TRAP1: variants seen among roughly 807,000 people sequenced by gnomAD.
TRAP1 encodes heat shock protein 75 kDa, mitochondrial.
In TRAP1, 102 loss-of-function variants were observed where a neutral mutation model predicts 89.1. That is an observed-to-expected ratio of 1.15 (90% CI 0.98 to 1.35). The LOEUF is 1.35. Among genes scored for constraint, TRAP1 ranks in the 40% most tolerant of loss-of-function variants. TRAP1 has a pLI of 0.00. For synonymous variants in TRAP1, 508 were observed against 388.0 expected (o/e 1.31, Z -3.64); for missense variants, 1,256 against 945.3 (o/e 1.33, Z -4.31).
rs181533361 is a variant in TRAP1 at position 3,691,962 on chromosome 16, G to A, written c.89-977C>T. On this transcript the variant is annotated intron_variant, in intron 1 of 17. Transcript: ENST00000246957. ...TGTCCCCAGCCGCACGCAGTTCACCGACGCAGGCCCAGAAACCAGACACTT... is the reference window on the plus strand; with the variant it reads ...TGTCCCCAGCCGCACGCAGTTCACCAACGCAGGCCCAGAAACCAGACACTT... Among the ~76,000 whole-genome samples the A allele has an allele frequency of 4.7e-4, 72 of 152,180 alleles. 2 individuals are homozygous for A. In the South Asian group the frequency reaches 0.012, roughly 25 times the overall value.
At position 3,664,335 on chromosome 16, in the gene TRAP1, G is replaced by GGGGCGC. The variant is rs757449714; in HGVS notation, c.1502_1507dup (p.Ala502_Pro503insArgAla). The GGGGCGC allele has an allele frequency of 6.2e-6, 10 of 1,612,778 alleles. No homozygotes were observed. The South Asian group carries it at 1.1e-4, about 18-fold the overall frequency. ...TGAGTGCTCTGCCAGGTGACGGTTGGGGGCGCACAGGTAGTAGATGTTGCG... is the reference window on the plus strand; with the variant it reads ...TGAGTGCTCTGCCAGGTGACGGTTGGGGGCGCGGGCGCACAGGTAGTAGATGTTGCG... On this transcript the variant is annotated inframe_insertion, in exon 13 of 18. Transcript: ENST00000246957.
chr16:3,717,140 A>G (rs1257553293), intron 1 of TRAP1, among the ~76,000 whole-genome samples: 2 of 152,018 alleles, frequency 1.3e-5, no homozygotes. Context: ...AGGAGGGACG[A>G]CCCCGCAGCC....
In TRAP1 at chr16:3,670,382, C is replaced by CAAAAAAAAAAAAAAAAAAAAAAA. The variant is rs760902038; in HGVS notation, c.1235+1317_1235+1339dup. On this transcript the variant is annotated intron_variant, in intron 11 of 17. Coordinates refer to ENST00000246957, the MANE Select transcript of TRAP1 (RefSeq NM_016292.3). ...TGGGCGACAGAGCAAGACTCCGTCTCAAAAAAAAAAAAAAAAAAAAAAAAA... is the reference window on the plus strand; with the variant it reads ...TGGGCGACAGAGCAAGACTCCGTCTCAAAAAAAAAAAAAAAAAAAAAAAAAAAAAAAAAAAAAAAAAAAAAAAA... Among the ~76,000 whole-genome samples the CAAAAAAAAAAAAAAAAAAAAAAA allele has an allele frequency of 3.1e-4, 7 of 22,844 alleles. 2 individuals carry two copies. Among genetic ancestry groups the CAAAAAAAAAAAAAAAAAAAAAAA allele is most frequent in the African/African-American group, 4.9e-4 (4 of 8,130 alleles). The allele number at this position is 22,844 out of a possible 152,430, so 15.0% of individuals were successfully genotyped here. A position where few individuals can be genotyped will look rare whatever the true frequency, so the allele number is the denominator to read the frequency against.
intron 4 of TRAP1, among the ~76,000 whole-genome samples, chr16:3,681,133 A>G (rs2051068544): frequency 6.6e-6 from 1 of 152,134 alleles, no homozygotes; most frequent in Non-Finnish European, 1.5e-5. Context: ...TTGCTCTGCT[A>G]TGATGTGCAG....
At position 3,709,606 on chromosome 16, in the gene TRAP1, G is replaced by A. The variant is rs117897135; in HGVS notation, c.88+7815C>T. 5.8e-3 allele frequency among the ~76,000 whole-genome samples: 889 copies of A among 152,224 alleles called. 1 individual carries two copies. The highest frequency in any genetic ancestry group is 0.01 in the Middle Eastern group (3 of 292). On this transcript the variant is annotated intron_variant, in intron 1 of 17. Transcript: ENST00000246957. ...ATATAAGTGGAAAATGCAAGGTACGGAAGATTACACACGGTTCCTTCCCAG... is the reference window on the plus strand; with the variant it reads ...ATATAAGTGGAAAATGCAAGGTACGAAAGATTACACACGGTTCCTTCCCAG...
chr16:3,685,290 G>A lies in TRAP1; in HGVS notation c.471+706C>T, dbSNP rs146253997. On this transcript the variant is annotated intron_variant, in intron 4 of 17. Transcript: ENST00000246957. Reference sequence around the variant, plus strand: ...CAGTCTGGATTCTCTAAACCCAAGAGGGAGTGCGTAAAGCTGACACCTCAC... The same window carrying A: ...CAGTCTGGATTCTCTAAACCCAAGAAGGAGTGCGTAAAGCTGACACCTCAC... 1.8e-4 allele frequency among the ~76,000 whole-genome samples: 27 copies of A among 152,300 alleles called. No homozygotes were observed. In the East Asian group the frequency reaches 4.4e-3, roughly 25 times the overall value.
intron 1 of TRAP1, among the ~76,000 whole-genome samples, chr16:3,715,673 C>G (rs958080998): frequency 1.3e-5 from 2 of 152,050 alleles, no homozygotes; most frequent in Non-Finnish European, 2.9e-5. Flanking sequence ...GTTGGCCAGG[C>G]ACGGTGACAC....
intron 15 of TRAP1, chr16:3,662,485 G>C: frequency 1.9e-6 from 1 of 520,826 alleles, no homozygotes; most frequent in Non-Finnish European, 3.5e-6. Context: ...AGCTAGACAG[G>C]TTGGTGGGGG....
chr16:3,700,104 C>G (rs980245961), intron 1 of TRAP1, among the ~76,000 whole-genome samples: 1 of 152,166 alleles, frequency 6.6e-6, no homozygotes, highest in Non-Finnish European at 1.5e-5. Flanking sequence ...CAGTAACACT[C>G]TTTGAAGACA....
At chr16:3,663,898 A>G (rs1360219885) in intron 13 of TRAP1, 6 of 359,502 alleles carry the variant, frequency 1.7e-5, no homozygotes, top group Non-Finnish European at 2.6e-5. Flanking sequence ...TGCCGTCTCT[A>G]TTAAAAATAC....
chr16:3,688,501 G>A (rs567962754), intron 3 of TRAP1, among the ~76,000 whole-genome samples: 1 of 151,780 alleles, frequency 6.6e-6, no homozygotes, highest in Non-Finnish European at 1.5e-5. Flanking sequence ...TTTTTTTTTG[G>A]AGAGAGGGTC....
chr16:3,706,301 G>A (rs951375321), intron 1 of TRAP1, among the ~76,000 whole-genome samples: 5 of 151,818 alleles, frequency 3.3e-5, no homozygotes, highest in Non-Finnish European at 7.4e-5. Context: ...TGGGGTGGGG[G>A]TCTCACTATG....
intron 5 of TRAP1, chr16:3,678,013 G>T (rs1270069134): frequency 8.9e-6 from 2 of 225,262 alleles, no homozygotes; most frequent in Non-Finnish European, 1.8e-5. Flanking sequence ...GGAAGGCCAG[G>T]AGTGAGGAGA....
intron 11 of TRAP1, among the ~76,000 whole-genome samples, chr16:3,669,574 C>T (rs553284480): frequency 6.6e-6 from 1 of 152,160 alleles, no homozygotes; most frequent in South Asian, 2.1e-4. Context: ...GTGGCTCACA[C>T]CTGTAATCCC....
Position 3,690,950 on chromosome 16 carries a change from G to C in TRAP1, c.124C>G (p.Gln42Glu). The C allele has an allele frequency of 1.3e-6, 2 of 1,573,642 alleles. No homozygotes were observed. Among genetic ancestry groups the C allele is most frequent in the South Asian group, 2.3e-5 (2 of 85,760 alleles). Residue 42 changes from glutamine (Q) to glutamate (E), a missense_variant, in exon 2 of 18, where the codon CAG (glutamine) becomes GAG (glutamate). Coordinates refer to ENST00000246957, the MANE Select transcript of TRAP1 (RefSeq NM_016292.3). The part of the protein sequence containing the change: ...PILCPRRTTA[Q>E]LGPRRNPAWS... ...GCTGGGTTTCGCCTGGGGCCCAACT[G>C]GGCTGTGGTCCTCCGAGGACACAGA...
At chr16:3,673,048 C>G (rs569041644) in intron 9 of TRAP1, among the ~76,000 whole-genome samples, 11 of 152,278 alleles carry the variant, frequency 7.2e-5, no homozygotes, top group Admixed American at 7.2e-4. Context: ...CAGCCCACCC[C>G]CTAAGGAGGA....
intron 1 of TRAP1, among the ~76,000 whole-genome samples, chr16:3,713,407 G>C (rs192774613): frequency 1.3e-5 from 2 of 152,304 alleles, no homozygotes; most frequent in Non-Finnish European, 1.5e-5. Context: ...TGAGCCCTGA[G>C]CAAAGTGAGG....
intron 1 of TRAP1, among the ~76,000 whole-genome samples, chr16:3,692,535 C>CA (rs1210401150): frequency 0.057 from 3,897 of 67,934 alleles, 181 homozygotes; most frequent in African/African-American, 0.17. Flanking sequence ...CATTCTGTCT[C>CA]AAAAAAAAAA....
At position 3,684,870 on chromosome 16, in the gene TRAP1, G is replaced by C. The variant is rs78048433; in HGVS notation, c.471+1126C>G. Among the ~76,000 whole-genome samples the C allele has an allele frequency of 1.5e-3, 223 of 152,264 alleles. 1 individual carries two copies. The highest frequency in any genetic ancestry group is 0.012 in the East Asian group (63 of 5,184). ...GAGAATAGAAAAACTGGGTCCCAAA[G>C]GATATAATGGAGCTCTAAATTACCT... On this transcript the variant is annotated intron_variant, in intron 4 of 17. Transcript: ENST00000246957.
Sources: allele counts gnomAD v4.1 joint callset (sites outside exome capture counted in the v4.1 genomes callset), GRCh38; gene constraint gnomAD v4.1.1; transcripts MANE v1.5; gene names NCBI Gene and HGNC (gene_info 2026-07-23, HGNC 2026-07-21).